SRL: variants seen among roughly 807,000 people sequenced by gnomAD.
SRL encodes sarcalumenin.
In SRL, 23 loss-of-function variants were observed where a neutral mutation model predicts 39.5. The ratio of observed to expected loss-of-function variants is 0.58; its 90% CI spans 0.42 to 0.82. The LOEUF (loss-of-function observed/expected upper bound fraction) is 0.82. SRL is among the 40% of genes least tolerant of loss of function. The pLI is 0.00. For missense variants in SRL, 592 were observed against 607.8 expected, an observed-to-expected ratio of 0.97 and a Z score of 0.27; for synonymous variants, 272 against 237.4, an observed-to-expected ratio of 1.15 and a Z score of -1.34.
Position 4,233,953 on chromosome 16 carries a change from T to G in SRL, c.61+8054A>C, listed in dbSNP as rs543732759. Among the ~76,000 whole-genome samples, 3 of 152,210 alleles carry G rather than the reference T, an allele frequency of 2.0e-5. No individual in the cohort carries two copies. The East Asian group carries it at 5.8e-4, about 29-fold the overall frequency. ...TCAGGATTTGGCACCCAATCTCTCC[T>G]CTCCTGCCAGGGCTGGCCATGGCCT... On this transcript the variant is annotated intron_variant, in intron 1 of 5. Coordinates refer to ENST00000399609, the MANE Select transcript of SRL (RefSeq NM_001098814.2).
chr16:4,229,905 T>C (rs960969656), intron 1 of SRL, among the ~76,000 whole-genome samples: 4 of 152,124 alleles, frequency 2.6e-5, no homozygotes, highest in Non-Finnish European at 5.9e-5. Context: ...GACTGCGTGC[T>C]GGGGCCTCGT....
chr16:4,207,039 T>G (rs2052329429), intron 1 of SRL: 1 of 451,346 alleles, frequency 2.2e-6, no homozygotes, highest in Non-Finnish European at 4.4e-6. Context: ...CTGGGACTCC[T>G]CGGCTTCCTG....
chr16:4,234,044 G>C (rs779977974), intron 1 of SRL, among the ~76,000 whole-genome samples: 16 of 152,108 alleles, frequency 1.1e-4, no homozygotes, highest in Non-Finnish European at 1.9e-4. Context: ...GCCCAGGCTA[G>C]AGTATAGTGG....
At chr16:4,234,520 AGG>A (rs1171837713) in intron 1 of SRL, among the ~76,000 whole-genome samples, 1 of 152,210 alleles carries the variant, frequency 6.6e-6, no homozygotes, top group Non-Finnish European at 1.5e-5. Context: ...CAGAGGGATG[AGG>A]GAGGCTGAAA....
In SRL at chr16:4,233,931, G is replaced by C. The variant is rs187804905; in HGVS notation, c.61+8076C>G. On this transcript the variant is annotated intron_variant, in intron 1 of 5. Transcript: ENST00000399609. ...TTAGGGAGCATCTCTCATTTCTTCAGGATTTGGCACCCAATCTCTCCTCTC... is the reference window on the plus strand; with the variant it reads ...TTAGGGAGCATCTCTCATTTCTTCACGATTTGGCACCCAATCTCTCCTCTC... Among the ~76,000 whole-genome samples, 9 of 152,176 alleles carry C rather than the reference G, an allele frequency of 5.9e-5. No individual in the cohort carries two copies. The East Asian group carries it at 1.5e-3, about 26-fold the overall frequency.
chr16:4,221,291 C>T lies in SRL; in HGVS notation c.62-16657G>A, dbSNP rs137984665. On this transcript the variant is annotated intron_variant, in intron 1 of 5. Coordinates refer to ENST00000399609, the MANE Select transcript of SRL (RefSeq NM_001098814.2). ...CTCGATCTCCTGACCTCGTGATCTG[C>T]CTGCCTCAGCCTCCCAAAGTGCTAG... 3.2e-3 allele frequency among the ~76,000 whole-genome samples: 482 copies of T among 152,280 alleles called. 2 individuals carry two copies. Among genetic ancestry groups the T allele is most frequent in the African/African-American group, 0.011 (440 of 41,540 alleles).
At chr16:4,227,346 CAGAT>C (rs2052604956) in intron 1 of SRL, among the ~76,000 whole-genome samples, 1 of 147,042 alleles carries the variant, frequency 6.8e-6, no homozygotes, top group Non-Finnish European at 1.5e-5. Context: ...GATGGACAGA[CAGAT>C]GGGTGAATGG....
At chr16:4,240,355 T>C (rs1195216183) in intron 1 of SRL, among the ~76,000 whole-genome samples, 2 of 152,142 alleles carry the variant, frequency 1.3e-5, no homozygotes, top group Non-Finnish European at 2.9e-5. Context: ...GGAAGCCACC[T>C]TGTGGGTTAG....
chr16:4,240,540 G>A (rs2052761568), intron 1 of SRL, among the ~76,000 whole-genome samples: 1 of 152,164 alleles, frequency 6.6e-6, no homozygotes, highest in Admixed American at 6.5e-5. Context: ...CGCACGCTGT[G>A]GGACCCAGGA....
In SRL at chr16:4,195,778, G is replaced by C; in HGVS notation, c.385C>G (p.Pro129Ala). 1.2e-6 allele frequency: 2 copies of C among 1,613,646 alleles called. No individual in the cohort carries two copies. Among genetic ancestry groups the C allele is most frequent in the African/African-American group, 1.3e-5 (1 of 74,994 alleles). ...TRYQLYTGAEPTTSEFTVLMH... is the reference protein window; with the variant it reads ...TRYQLYTGAEATTSEFTVLMH... ...AGGACCGTGAACTCAGAGGTGGTGG[G>C]TTCAGCGCCTGGGCACACGGGGTGA... Residue 129 changes from proline (P) to alanine (A), a missense_variant, in exon 5 of 6, where the codon CCC becomes GCC. Physicochemically the swap from Pro to Ala is conservative, Grantham distance 27. Coordinates refer to ENST00000399609, the MANE Select transcript of SRL (RefSeq NM_001098814.2).
chr16:4,223,222 ACT>A (rs2052549712), intron 1 of SRL, among the ~76,000 whole-genome samples: 1 of 132,422 alleles, frequency 7.6e-6, no homozygotes, highest in African/African-American at 3.2e-5. Flanking sequence ...AAAGAGCAAA[ACT>A]CTGTCTCAAA....
intron 4 of SRL, among the ~76,000 whole-genome samples, chr16:4,196,213 G>A (rs540414746): frequency 6.6e-6 from 1 of 152,122 alleles, no homozygotes; most frequent in South Asian, 2.1e-4. Context: ...GCCCACCTTG[G>A]CCTCCCGAAG....
intron 1 of SRL, among the ~76,000 whole-genome samples, chr16:4,229,180 G>A (rs574348496): frequency 6.6e-5 from 10 of 152,044 alleles, no homozygotes; most frequent in South Asian, 4.2e-4. Flanking sequence ...GCAGTGGCTC[G>A]CAACTGTAAT....
chr16:4,212,414 A>G (rs948850628), intron 1 of SRL, among the ~76,000 whole-genome samples: 1 of 152,190 alleles, frequency 6.6e-6, no homozygotes, highest in African/African-American at 2.4e-5. Flanking sequence ...GCCTCCGATT[A>G]CACTCACTTC....
At chr16:4,194,271 T>C (rs1597264465) in intron 5 of SRL, among the ~76,000 whole-genome samples, 1 of 152,212 alleles carries the variant, frequency 6.6e-6, no homozygotes, top group Non-Finnish European at 1.5e-5. Context: ...AACTTATTCA[T>C]CTTCCCAAAT....
intron 1 of SRL, among the ~76,000 whole-genome samples, chr16:4,237,188 T>C (rs544918329): frequency 6.6e-6 from 1 of 150,812 alleles, no homozygotes; most frequent in Admixed American, 6.6e-5. Context: ...CTCCTGCCTC[T>C]GCCTCCGCCT....
At chr16:4,205,945 C>CAA (rs5815198) in intron 1 of SRL, among the ~76,000 whole-genome samples, 6,034 of 146,550 alleles carry the variant, frequency 0.041, 430 homozygotes, top group African/African-American at 0.14. Flanking sequence ...GACCTTGTCT[C>CAA]AAAAAAAAAA....
At chr16:4,199,064 C>T (rs1352776471) in intron 3 of SRL, among the ~76,000 whole-genome samples, 1 of 152,168 alleles carries the variant, frequency 6.6e-6, no homozygotes, top group Admixed American at 6.5e-5. Flanking sequence ...GAGGGCCAGT[C>T]CTGCATAACT....
chr16:4,240,000 G>T (rs1393169387), intron 1 of SRL, among the ~76,000 whole-genome samples: 1 of 152,180 alleles, frequency 6.6e-6, no homozygotes, highest in Non-Finnish European at 1.5e-5. Flanking sequence ...ACGGGTGGTT[G>T]GTAACAGAGG....
Sources: gnomAD v4.1 joint callset for allele counts (sites outside exome capture counted in the v4.1 genomes callset) on GRCh38, gnomAD v4.1.1 for gene constraint, MANE v1.5 for transcripts, NCBI Gene and HGNC (gene_info 2026-07-23, HGNC 2026-07-21) for gene names.